Variants in B3GALT5 observed in about 807,000 individuals in gnomAD.
B3GALT5 encodes UDP-Gal:betaGlcNAc beta 1,3-galactosyltransferase, polypeptide 5.
For synonymous variants in B3GALT5, 156 were observed against 158.6 expected (o/e 0.98, Z 0.12); for missense variants, 328 against 396.6 (o/e 0.83, Z 1.47).
At chr21:39,626,016 A>G (rs1450183408) in intron 1 of B3GALT5, among the ~76,000 whole-genome samples, 1 of 152,108 alleles carries the variant, frequency 6.6e-6, no homozygotes, top group African/African-American at 2.4e-5. Context: ...TGTGACCTTC[A>G]CTACTGTCTA....
chr21:39,639,288 C>CTCTT (rs71184689), intron 1 of B3GALT5, among the ~76,000 whole-genome samples: 2,462 of 98,464 alleles, frequency 0.025, 385 homozygotes, highest in Non-Finnish European at 0.032. Context: ...AGGCATCTGG[C>CTCTT]TCTTTCTTTC....
chr21:39,648,573 G>T (rs1197070028), intron 2 of B3GALT5, among the ~76,000 whole-genome samples: 1 of 152,160 alleles, frequency 6.6e-6, no homozygotes, highest in Non-Finnish European at 1.5e-5. Context: ...CATTCTGGGG[G>T]ACAAGTTTGG....
chr21:39,637,161 C>G (rs2079234084), intron 1 of B3GALT5, among the ~76,000 whole-genome samples: 1 of 152,226 alleles, frequency 6.6e-6, no homozygotes, highest in Admixed American at 6.5e-5. Context: ...GTGACGTTTT[C>G]CGAGTCCTAA....
chr21:39,642,957 C>CA (rs2079302765), intron 1 of B3GALT5, among the ~76,000 whole-genome samples: 1 of 151,286 alleles, frequency 6.6e-6, no homozygotes, highest in Admixed American at 6.6e-5. Context: ...GAGGCTGAGG[C>CA]AGGAGGATTG....
At chr21:39,624,062 G>A (rs548010585) in intron 1 of B3GALT5, among the ~76,000 whole-genome samples, 117 of 152,220 alleles carry the variant, frequency 7.7e-4, no homozygotes, top group African/African-American at 2.7e-3. Flanking sequence ...TGTGAAAAGT[G>A]GAATGGCAAG....
At chr21:39,620,690 C>G (rs186682086) in intron 1 of B3GALT5, among the ~76,000 whole-genome samples, 6 of 152,192 alleles carry the variant, frequency 3.9e-5, no homozygotes, top group Admixed American at 3.9e-4. Flanking sequence ...TATGAGCATA[C>G]CATTAGATCA....
intron 2 of B3GALT5, among the ~76,000 whole-genome samples, chr21:39,658,211 A>G (rs531144120): frequency 2.6e-5 from 4 of 152,270 alleles, no homozygotes; most frequent in South Asian, 2.1e-4. Flanking sequence ...TCAACTGCCC[A>G]TGAAAACAAA....
At chr21:39,639,326 CTTT>C in intron 1 of B3GALT5, among the ~76,000 whole-genome samples, 14 of 115,582 alleles carry the variant, frequency 1.2e-4, no homozygotes, top group African/African-American at 3.7e-4. Context: ...TTCTTTCTTT[CTTT>C]CTTTCTTTCT....
chr21:39,624,189 G>T (rs557170424), intron 1 of B3GALT5, among the ~76,000 whole-genome samples: 36 of 152,226 alleles, frequency 2.4e-4, no homozygotes, highest in African/African-American at 8.4e-4. Flanking sequence ...AAACTTTGAT[G>T]AATTTCAGTT....
chr21:39,619,465 G>A lies in B3GALT5; in HGVS notation c.-392+6398G>A, dbSNP rs1052306654. On this transcript the variant is annotated intron_variant, in intron 1 of 3. Transcript: ENST00000684187. ...ATGAACTTTGGGTGGACACAATTCCGTCCATAGCATTGGTTTATAAATCAC... is the reference window on the plus strand; with the variant it reads ...ATGAACTTTGGGTGGACACAATTCCATCCATAGCATTGGTTTATAAATCAC... Among the ~76,000 whole-genome samples the A allele has an allele frequency of 4.6e-5, 7 of 152,132 alleles. No individual in the cohort carries two copies. The East Asian group carries it at 9.6e-4, about 21-fold the overall frequency.
Position 39,665,971 on chromosome 21 carries a change from C to T in B3GALT5, c.*4479C>T, listed in dbSNP as rs1185506890. 6.6e-6 allele frequency: 1 copy of T among 152,006 alleles called. No individual in the cohort carries two copies. The highest frequency in any genetic ancestry group is 2.4e-5 in the African/African-American group (1 of 41,352). 9.4% of individuals were successfully genotyped at this position (152,006 alleles called of 1,614,324 possible). A position where few individuals can be genotyped will look rare whatever the true frequency, so the allele number is the denominator to read the frequency against. On this transcript the variant is annotated 3_prime_UTR_variant, in exon 4 of 4. Coordinates refer to ENST00000684187, the MANE Select transcript of B3GALT5 (RefSeq NM_001356336.2). ...ATGGTCCCAGCACATAGTAGATGCT[C>T]AATAAACATTTGTTGAGTGGAACTG...
rs1041688208 is a variant in B3GALT5 at position 39,667,322 on chromosome 21, T to G, written c.*5830T>G. The G allele has an allele frequency of 6.6e-6, 1 of 152,256 alleles. No individual in the cohort carries two copies. Among genetic ancestry groups the G allele is most frequent in the African/African-American group, 2.4e-5 (1 of 41,466 alleles). The allele number at this position is 152,256 out of a possible 1,614,324, so 9.4% of individuals were successfully genotyped here. The stretch of plus-strand genomic sequence containing the variant: ...GCTGGCACAGAGGGCTGAAATGGAC[T>G]TGGAAAGCCAAATAATTAATTTTCA... On this transcript the variant is annotated 3_prime_UTR_variant, in exon 4 of 4. Coordinates refer to ENST00000684187, the MANE Select transcript of B3GALT5 (RefSeq NM_001356336.2).
rs111870073 is a variant in B3GALT5 at position 39,661,567 on chromosome 21, G to A, written c.*75G>A. On this transcript the variant is annotated 3_prime_UTR_variant, in exon 4 of 4. Coordinates refer to ENST00000684187, the MANE Select transcript of B3GALT5 (RefSeq NM_001356336.2). This position sits in a 1 kb window ranked among gnomAD's most constrained non-coding sequence, Gnocchi z 4.7. ...AGTTTTTGCTAGATTTTGGAAGAGG[G>A]GGCGGGACAGAGGATGCTGTTCTTC... The A allele has an allele frequency of 1.8e-4, 241 of 1,359,726 alleles. No homozygotes were observed. The highest frequency in any genetic ancestry group is 2.9e-4 in the Admixed American group (10 of 34,674). 84.2% of individuals were successfully genotyped at this position (1,359,726 alleles called of 1,614,324 possible).
chr21:39,639,424 CTT>C (rs1204484300), intron 1 of B3GALT5, among the ~76,000 whole-genome samples: 29 of 114,614 alleles, frequency 2.5e-4, no homozygotes, highest in Admixed American at 5.3e-4. Context: ...TTCTTTCTTT[CTT>C]TCTTTCTTTC....
intron 2 of B3GALT5, among the ~76,000 whole-genome samples, chr21:39,654,879 T>C (rs960698928): frequency 1.3e-5 from 2 of 152,234 alleles, no homozygotes; most frequent in African/African-American, 4.8e-5. Context: ...CATAATGCTA[T>C]TATGCATTTA....
At chr21:39,625,799 A>G (rs1295040581) in intron 1 of B3GALT5, among the ~76,000 whole-genome samples, 8 of 152,090 alleles carry the variant, frequency 5.3e-5, no homozygotes, top group Admixed American at 3.9e-4. Flanking sequence ...CTCTAGCCCT[A>G]GTCTTGGCTT....
intron 1 of B3GALT5, among the ~76,000 whole-genome samples, chr21:39,624,594 AGGCAAAT>A (rs934606319): frequency 6.6e-6 from 1 of 152,176 alleles, no homozygotes; most frequent in Non-Finnish European, 1.5e-5. Flanking sequence ...AAATTGAATG[AGGCAAAT>A]GGTGGAGTGC....
chr21:39,652,755 G>A (rs1165334759), intron 2 of B3GALT5, among the ~76,000 whole-genome samples: 1 of 152,176 alleles, frequency 6.6e-6, no homozygotes, highest in African/African-American at 2.4e-5. Flanking sequence ...CAACTGATGT[G>A]TAAAAGCAGC....
chr21:39,640,157 TCTCA>T (rs1223840901), intron 1 of B3GALT5, among the ~76,000 whole-genome samples: 1 of 152,036 alleles, frequency 6.6e-6, no homozygotes, highest in Non-Finnish European at 1.5e-5. Flanking sequence ...TCGCCTGAGC[TCTCA>T]CTCTTAGTGA....
Sources: allele counts gnomAD v4.1 joint callset (sites outside exome capture counted in the v4.1 genomes callset), GRCh38; gene constraint gnomAD v4.1.1; non-coding constraint Gnocchi (gnomAD v3.1); transcripts MANE v1.5; gene names NCBI Gene and HGNC (gene_info 2026-07-23, HGNC 2026-07-21).